NRG2: variants seen among roughly 807,000 people sequenced by gnomAD.
NRG2 encodes pro-neuregulin-2, membrane-bound isoform.
NRG2 carries 27 observed loss-of-function variants against 73.9 expected under a neutral mutation model. That is an observed-to-expected ratio of 0.37 (90% CI 0.27 to 0.50). NRG2 has a LOEUF of 0.50. NRG2 is among the 20% of genes least tolerant of loss of function. The probability of loss-of-function intolerance (pLI) is 0.96; values close to 1 mark genes in which losing one functional copy is unlikely to be tolerated. For synonymous variants in NRG2, 532 were observed against 541.0 expected (o/e 0.98, Z 0.23); for missense variants, 1,126 against 1,210.1 (o/e 0.93, Z 1.03).
intron 1 of NRG2, among the ~76,000 whole-genome samples, chr5:140,031,359 C>A (rs1447984132): frequency 1.3e-5 from 2 of 152,194 alleles, no homozygotes; most frequent in Non-Finnish European, 2.9e-5. Flanking sequence ...AGTAAGCAGT[C>A]TGACAGGCTG....
At chr5:139,860,759 G>A (rs528644391) in intron 5 of NRG2, among the ~76,000 whole-genome samples, 3 of 152,056 alleles carry the variant, frequency 2.0e-5, no homozygotes, top group Non-Finnish European at 2.9e-5. Context: ...ACCCTGTGAC[G>A]GAGACCCCCA....
intron 1 of NRG2, among the ~76,000 whole-genome samples, chr5:139,912,982 C>T (rs1750955300): frequency 6.6e-6 from 1 of 152,200 alleles, no homozygotes; most frequent in Non-Finnish European, 1.5e-5. Context: ...TGCTGCTCTA[C>T]AGCTGGCCCT....
intron 1 of NRG2, among the ~76,000 whole-genome samples, chr5:139,906,620 A>G (rs1441155133): frequency 6.6e-6 from 1 of 152,208 alleles, no homozygotes; most frequent in Non-Finnish European, 1.5e-5. Flanking sequence ...GCACAGTGCT[A>G]GGTGCTGGAG....
At chr5:139,906,763 A>G (rs1370201127) in intron 1 of NRG2, among the ~76,000 whole-genome samples, 1 of 152,126 alleles carries the variant, frequency 6.6e-6, no homozygotes, top group Non-Finnish European at 1.5e-5. Context: ...CATTCAACAA[A>G]CCTTTATATA....
chr5:140,020,259 G>A lies in NRG2; in HGVS notation c.700+22111C>T, dbSNP rs540627293. ...TTTGTAGTAGTCAAATCTGAAGCAC[G>A]TTCAAAAAGTGAAAAGAAACAAGTA... On this transcript the variant is annotated intron_variant, in intron 1 of 9. Transcript: ENST00000361474. 1.2e-4 allele frequency among the ~76,000 whole-genome samples: 19 copies of A among 152,246 alleles called. No individual in the cohort carries two copies. The South Asian group carries it at 3.7e-3, about 30-fold the overall frequency.
At chr5:139,918,306 G>A (rs1751417811) in intron 1 of NRG2, among the ~76,000 whole-genome samples, 2 of 152,140 alleles carry the variant, frequency 1.3e-5, no homozygotes, top group Non-Finnish European at 2.9e-5. Flanking sequence ...ATAAAAGGAT[G>A]GATGAGAAGT....
At chr5:139,848,770 G>GGGGGGGGGGGGGGGGGGT in intron 9 of NRG2, 73 bp from the exon 10 acceptor site, 1 of 159,414 alleles carries the variant, frequency 6.3e-6, no homozygotes. Flanking sequence ...TGGGGGTGGG[G>GGGGGGGGGGGGGGGGGGT]TAGGGTGGGA....
intron 1 of NRG2, among the ~76,000 whole-genome samples, chr5:140,027,189 GC>G (rs1476347371): frequency 3.9e-5 from 6 of 152,190 alleles, no homozygotes; most frequent in Admixed American, 3.3e-4. Flanking sequence ...TCCATATGTT[GC>G]CCAAGCTGGT....
chr5:139,901,523 T>C (rs551347216), intron 1 of NRG2, among the ~76,000 whole-genome samples: 5 of 152,142 alleles, frequency 3.3e-5, no homozygotes, highest in Non-Finnish European at 7.4e-5. Context: ...CTGGACAGCC[T>C]AAAGAAGGGA....
chr5:140,010,778 G>A (rs1330432446), intron 1 of NRG2, among the ~76,000 whole-genome samples: 1 of 152,158 alleles, frequency 6.6e-6, no homozygotes, highest in Non-Finnish European at 1.5e-5. Flanking sequence ...ATGCTGTATT[G>A]GGTACTTTAG....
intron 1 of NRG2, among the ~76,000 whole-genome samples, chr5:140,013,737 C>T (rs1759551269): frequency 6.6e-6 from 1 of 152,078 alleles, no homozygotes. Flanking sequence ...TGTCAAAATC[C>T]CCAATGGCAT....
At chr5:139,962,815 G>C (rs1004224240) in intron 1 of NRG2, among the ~76,000 whole-genome samples, 12 of 152,206 alleles carry the variant, frequency 7.9e-5, no homozygotes, top group Non-Finnish European at 1.6e-4. Context: ...CCTGGGCCTG[G>C]AGGGGTCCTC....
At position 140,042,834 on chromosome 5, in the gene NRG2, C is replaced by CGGGCTGAG; in HGVS notation, c.235_236insCTCAGCCC (p.Arg79ProfsTer18). ...GGCTCGCGAACGGGCGGCGGCTCTCCGGGCTGCGGGGCTGCGGGGCTGCGG... is the reference window on the plus strand; with the variant it reads ...GGCTCGCGAACGGGCGGCGGCTCTCCGGGCTGAGGGGCTGCGGGGCTGCGGGGCTGCGG... On this transcript the variant is annotated frameshift_variant, in exon 1 of 10. Coordinates refer to ENST00000361474, the MANE Select transcript of NRG2 (RefSeq NM_004883.3). LOFTEE classifies it high-confidence loss of function. The CGGGCTGAG allele has an allele frequency of 6.8e-7, 1 of 1,480,602 alleles. No individual in the cohort carries two copies. The highest frequency in any genetic ancestry group is 8.9e-7 in the Non-Finnish European group (1 of 1,120,566). The allele number at this position is 1,480,602 out of a possible 1,614,324, so 91.7% of individuals were successfully genotyped here.
chr5:139,940,056 C>T (rs946196963), intron 1 of NRG2, among the ~76,000 whole-genome samples: 2 of 152,188 alleles, frequency 1.3e-5, no homozygotes, highest in Non-Finnish European at 2.9e-5. Context: ...TTGGTAGTTT[C>T]TGAAAATATT....
chr5:139,860,199 C>T (rs955378072), intron 5 of NRG2, among the ~76,000 whole-genome samples: 7 of 152,072 alleles, frequency 4.6e-5, no homozygotes, highest in African/African-American at 7.2e-5. Context: ...TACCTGGTGG[C>T]GAGGCAGAGG....
At position 139,935,976 on chromosome 5, in the gene NRG2, G is replaced by A. The variant is rs201593009; in HGVS notation, c.701-48465C>T. On this transcript the variant is annotated intron_variant, in intron 1 of 9. Coordinates refer to ENST00000361474, the MANE Select transcript of NRG2 (RefSeq NM_004883.3). ...TCTGTCTTAAAAAAAAAAAAAAAAA[G>A]AAAGAAAAAGAAAAGAAAAACATGA... Among the ~76,000 whole-genome samples, 558 of 134,110 alleles carry A rather than the reference G, an allele frequency of 4.2e-3. 2 individuals carry two copies. Among genetic ancestry groups the A allele is most frequent in the African/African-American group, 0.015 (535 of 35,984 alleles). The allele number at this position is 134,110 out of a possible 152,430, so 88.0% of individuals were successfully genotyped here.
intron 1 of NRG2, among the ~76,000 whole-genome samples, chr5:139,967,990 TAAATA>T (rs1304461488): frequency 6.7e-6 from 1 of 150,096 alleles, no homozygotes; most frequent in African/African-American, 2.5e-5. Flanking sequence ...AATAAATAAA[TAAATA>T]AATAAATAAA....
intron 9 of NRG2, among the ~76,000 whole-genome samples, chr5:139,849,800 C>A (rs1761288555): frequency 6.6e-6 from 1 of 152,228 alleles, no homozygotes; most frequent in Non-Finnish European, 1.5e-5. Context: ...CTCTCCACCC[C>A]ATCCTGGGCC....
At chr5:139,962,949 C>A (rs989777118) in intron 1 of NRG2, among the ~76,000 whole-genome samples, 13 of 152,268 alleles carry the variant, frequency 8.5e-5, no homozygotes, top group African/African-American at 3.1e-4. Flanking sequence ...CAATATGGAG[C>A]CATATAAAAG....
Sources: gnomAD v4.1 joint callset for allele counts (sites outside exome capture counted in the v4.1 genomes callset) on GRCh38, gnomAD v4.1.1 for gene constraint, MANE v1.5 for transcripts, NCBI Gene and HGNC (gene_info 2026-07-23, HGNC 2026-07-21) for gene names.